LAMA1: variants seen among roughly 807,000 people sequenced by gnomAD.
LAMA1 encodes the protein laminin subunit alpha-1.
In LAMA1, 219 loss-of-function variants were observed where a neutral mutation model predicts 348.7. The observed-to-expected ratio is 0.63, with a 90% CI of 0.56 to 0.70. The LOEUF (loss-of-function observed/expected upper bound fraction) is 0.70. Among genes scored for constraint, LAMA1 ranks in the 30% least tolerant of loss-of-function variants. LAMA1 has a pLI of 0.00. For synonymous variants in LAMA1, 1,487 were observed against 1,491.0 expected (o/e 1.00, Z 0.06); for missense variants, 3,744 against 3,888.0 (o/e 0.96, Z 0.99).
In LAMA1 at chr18:7,008,601, C is replaced by G. The variant is rs748845224; in HGVS notation, c.4009G>C (p.Asp1337His). The change falls in exon 28 of 63, where the codon GAC becomes CAC. Residue 1337 changes from aspartate to histidine, a missense_variant. By Grantham distance (81) the Asp-to-His change is moderately conservative (BLOSUM62 -1). This residue lies in a region of LAMA1 where 1,983 missense variants were observed against 1,934.3 expected (regional missense o/e 1.03). Transcript: ENST00000389658. ...TTTCTGCCAACCTCCATTGAAATGT[C>G]TGAGATTCTGTGCAGCCATCATGTT... ...GQGLQQSRISDISMEVGRKAE... is the reference protein window; with the variant it reads ...GQGLQQSRISHISMEVGRKAE... 2.5e-6 allele frequency: 4 copies of G among 1,613,972 alleles called. No individual in the cohort carries two copies. Among genetic ancestry groups the G allele is most frequent in the Non-Finnish European group, 3.4e-6 (4 of 1,179,940 alleles).
intron 61 of LAMA1, 65 bp downstream of exon 61, chr18:6,947,098 G>A: frequency 6.2e-7 from 1 of 1,601,560 alleles, no homozygotes; most frequent in African/African-American, 1.3e-5. Context: ...TGAATCTGCT[G>A]TTTCTCAATT....
At chr18:6,971,795 T>C in intron 48 of LAMA1, 62 bp downstream of exon 48, 1 of 1,610,074 alleles carries the variant, frequency 6.2e-7, no homozygotes, top group Non-Finnish European at 8.5e-7. Flanking sequence ...ATACATTCTT[T>C]CAGCACTTCT....
Position 6,942,254 on chromosome 18 carries a change from A to C in LAMA1, c.9068-15T>G. On this transcript the variant is annotated splice_polypyrimidine_tract_variant and intron_variant, in intron 62 of 62. Transcript: ENST00000389658. ...CTTCACACCAGCTGTTCAGGAAAGAAGAGAAGACAAATCTTGCTTAATTTT... is the reference window on the plus strand; with the variant it reads ...CTTCACACCAGCTGTTCAGGAAAGACGAGAAGACAAATCTTGCTTAATTTT... The C allele has an allele frequency of 6.2e-7, 1 of 1,613,698 alleles. No individual in the cohort carries two copies.
chr18:7,039,213 T>C (rs1242516674), intron 10 of LAMA1, among the ~76,000 whole-genome samples: 2 of 152,190 alleles, frequency 1.3e-5, no homozygotes, highest in African/African-American at 2.4e-5. Flanking sequence ...TTTAAATTTT[T>C]CATTTTTTTA....
At chr18:7,038,688 T>A in intron 11 of LAMA1, 122 bp downstream of exon 11, 2 of 1,338,310 alleles carry the variant, frequency 1.5e-6, no homozygotes, top group South Asian at 2.3e-5. Context: ...GTCAGTATCA[T>A]TGCATAGCGA....
chr18:7,080,237 C>G, intron 2 of LAMA1, 50 bp downstream of exon 2: 1 of 1,612,674 alleles, frequency 6.2e-7, no homozygotes, highest in Non-Finnish European at 8.5e-7. Context: ...CCTCATTTCA[C>G]AAAGTGTACA....
Position 6,955,429 on chromosome 18 carries a change from G to A in LAMA1, c.8131C>T (p.Pro2711Ser), listed in dbSNP as rs1349466518. The change falls in exon 57 of 63, where the codon CCC becomes TCC. Residue 2711 changes from proline (P) to serine (S), a missense_variant. Physicochemically the swap from Pro to Ser is moderately conservative, Grantham distance 74 (BLOSUM62 -1). This residue lies in a region of LAMA1 where 1,983 missense variants were observed against 1,934.3 expected (regional missense o/e 1.03). Transcript: ENST00000389658. Reference sequence around the variant, plus strand: ...GTGAGACCAAACTGGTGAGCGCCGGGAACGTACTCCAGAGCTGCATCCACC... The same window carrying A: ...GTGAGACCAAACTGGTGAGCGCCGGAAACGTACTCCAGAGCTGCATCCACC... ...CVVDAALEYVPGAHQFGLTQN... is the reference protein window; with the variant it reads ...CVVDAALEYVSGAHQFGLTQN... The A allele has an allele frequency of 5.0e-6, 8 of 1,613,972 alleles. No homozygotes were observed. The highest frequency in any genetic ancestry group is 1.7e-5 in the Admixed American group (1 of 59,996).
At chr18:7,074,700 C>G (rs1016512771) in intron 3 of LAMA1, among the ~76,000 whole-genome samples, 1 of 151,880 alleles carries the variant, frequency 6.6e-6, no homozygotes, top group Non-Finnish European at 1.5e-5. Flanking sequence ...CATGAAATTC[C>G]TATGAATTTT....
At chr18:7,115,873 TC>T (rs1251526855) in intron 1 of LAMA1, among the ~76,000 whole-genome samples, 2 of 147,690 alleles carry the variant, frequency 1.4e-5, no homozygotes, top group African/African-American at 5.0e-5. Flanking sequence ...TCCCAGCTAC[TC>T]GGGAGGCTGA....
chr18:7,055,508 T>C (rs11874004), intron 3 of LAMA1, among the ~76,000 whole-genome samples: 17,512 of 149,072 alleles, frequency 0.12, 2,887 homozygotes, highest in African/African-American at 0.37. Context: ...TACACATATA[T>C]GTGTATGTCT....
chr18:7,046,231 A>G, intron 6 of LAMA1, 47 bp downstream of exon 6: 1 of 1,207,704 alleles, frequency 8.3e-7, no homozygotes, highest in South Asian at 1.2e-5. Flanking sequence ...TTATAGCTAC[A>G]ATTTCTGTTT....
rs376978257 is a variant in LAMA1 at position 7,042,268 on chromosome 18, C to A, written c.1156-18G>T. ...GGAGACACCTGAAAGGCAGAGGTTG[C>A]CCTGGATTCTCTTACTAGAAATAAC... On this transcript the variant is annotated intron_variant, in intron 8 of 62. Transcript: ENST00000389658. 2.0e-6 allele frequency: 3 copies of A among 1,476,596 alleles called. No homozygotes were observed. Among genetic ancestry groups the A allele is most frequent in the Non-Finnish European group, 2.8e-6 (3 of 1,059,674 alleles). 91.5% of individuals were successfully genotyped at this position (1,476,596 alleles called of 1,614,324 possible).
chr18:7,090,143 T>C (rs967726219), intron 1 of LAMA1, among the ~76,000 whole-genome samples: 1 of 152,224 alleles, frequency 6.6e-6, no homozygotes, highest in African/African-American at 2.4e-5. Context: ...AGGAGTCCCC[T>C]GCTTAAAGAA....
At chr18:6,975,119 T>TA (rs1435221899) in intron 45 of LAMA1, 83 bp from the exon 46 acceptor site, 4 of 1,461,864 alleles carry the variant, frequency 2.7e-6, no homozygotes, top group African/African-American at 2.9e-5. Context: ...AGTCAATTCT[T>TA]ACGGGGTTTT....
chr18:7,026,458 A>T (rs1356180607), intron 16 of LAMA1, among the ~76,000 whole-genome samples: 1 of 152,164 alleles, frequency 6.6e-6, no homozygotes, highest in African/African-American at 2.4e-5. Flanking sequence ...ACGTGGTCTC[A>T]CAGTGTCCGC....
In LAMA1 at chr18:7,013,932, T is replaced by G; in HGVS notation, c.3246A>C (p.Arg1082Ser). The G allele has an allele frequency of 6.2e-7, 1 of 1,613,802 alleles. No individual in the cohort carries two copies. Among genetic ancestry groups the G allele is most frequent in the Non-Finnish European group, 8.5e-7 (1 of 1,179,846 alleles). Reference protein sequence around the residue: ...RACDQCSLGYRDFPDCVPCDC... With the variant: ...RACDQCSLGYSDFPDCVPCDC... Reference sequence around the variant, plus strand: ...CACAGGGAACACAGTCGGGAAAGTCTCTGTAACCCAAGGAACACTGATCGC... The same window carrying G: ...CACAGGGAACACAGTCGGGAAAGTCGCTGTAACCCAAGGAACACTGATCGC... Residue 1082 changes from arginine to serine, a missense_variant, in exon 23 of 63, where the codon AGA (arginine) becomes AGC (serine). Transcript: ENST00000389658.
intron 51 of LAMA1, among the ~76,000 whole-genome samples, chr18:6,962,779 G>T (rs1318721329): frequency 6.6e-6 from 1 of 152,192 alleles, no homozygotes; most frequent in Non-Finnish European, 1.5e-5. Context: ...GAAGTCATTG[G>T]CTGTTGTTTA....
intron 36 of LAMA1, among the ~76,000 whole-genome samples, chr18:6,988,820 A>T (rs2057746711): frequency 6.6e-6 from 1 of 151,646 alleles, no homozygotes; most frequent in Admixed American, 6.6e-5. Flanking sequence ...AAAAAAAAAA[A>T]AAAAAAAAAA....
chr18:7,091,014 T>A (rs1300368159), intron 1 of LAMA1, among the ~76,000 whole-genome samples: 1 of 152,194 alleles, frequency 6.6e-6, no homozygotes, highest in Non-Finnish European at 1.5e-5. Flanking sequence ...CCACAAATAT[T>A]TTCTGCAGAA....
Sources: gnomAD v4.1 joint callset for allele counts (sites outside exome capture counted in the v4.1 genomes callset) on GRCh38, gnomAD v4.1.1 for gene constraint, gnomAD v4.1.1 regional missense constraint, MANE v1.5 for transcripts, NCBI Gene and HGNC (gene_info 2026-07-23, HGNC 2026-07-21) for gene names.